Variants in UNC13C observed in about 807,000 individuals in gnomAD.
The protein encoded by UNC13C is unc-13 homolog C.
A neutral mutation model predicts 245.4 loss-of-function variants in UNC13C; 174 were observed. That is an observed-to-expected ratio of 0.71 (90% CI 0.63 to 0.80). The LOEUF is 0.80. Ranked by LOEUF, UNC13C falls within the 30% of genes least tolerant of loss-of-function variation. The pLI is 0.00. For missense variants in UNC13C, 2,829 were observed against 2,602.9 expected, an observed-to-expected ratio of 1.09 and a Z score of -1.89; for synonymous variants, 992 against 895.1, an observed-to-expected ratio of 1.11 and a Z score of -1.93.
chr15:53,997,490 T>TTAACA (rs1160993317), intron 1 of UNC13C, among the ~76,000 whole-genome samples: 1 of 152,190 alleles, frequency 6.6e-6, no homozygotes, highest in Non-Finnish European at 1.5e-5. Flanking sequence ...TTAGTTTGCG[T>TTAACA]TAACATTCTT....
intron 28 of UNC13C, among the ~76,000 whole-genome samples, chr15:54,551,079 T>A (rs1896715263): frequency 6.6e-6 from 1 of 152,076 alleles, no homozygotes; most frequent in Non-Finnish European, 1.5e-5. Flanking sequence ...TACATGAAAT[T>A]TTATAGTCCA....
In UNC13C at chr15:54,086,742, T is replaced by C. The variant is rs1158072019; in HGVS notation, c.2984-56276T>C. On this transcript the variant is annotated intron_variant, in intron 2 of 32. Coordinates refer to ENST00000260323, the MANE Select transcript of UNC13C (RefSeq NM_001080534.3). ...ATGTGTTGCTTATTTTCTTTCTTTTTTTTTTTTTTTTTTGAGATGGACTCT... is the reference window on the plus strand; with the variant it reads ...ATGTGTTGCTTATTTTCTTTCTTTTCTTTTTTTTTTTTTGAGATGGACTCT... Among the ~76,000 whole-genome samples, 15 of 131,400 alleles carry C rather than the reference T, an allele frequency of 1.1e-4. No homozygotes were observed. The East Asian group carries it at 2.4e-3, about 21-fold the overall frequency. The allele number at this position is 131,400 out of a possible 152,430, so 86.2% of individuals were successfully genotyped here. A position where few individuals can be genotyped will look rare whatever the true frequency, so the allele number is the denominator to read the frequency against.
chr15:54,461,131 T>C (rs562843205), intron 19 of UNC13C, among the ~76,000 whole-genome samples: 8 of 152,244 alleles, frequency 5.3e-5, no homozygotes, highest in South Asian at 2.1e-4. Flanking sequence ...AATTGCTGCA[T>C]ATATTTTTCT....
chr15:54,391,855 T>A (rs905336959), intron 17 of UNC13C, among the ~76,000 whole-genome samples: 5 of 152,104 alleles, frequency 3.3e-5, no homozygotes. Flanking sequence ...CGAGAATAAT[T>A]AAATGACAAC....
intron 25 of UNC13C, among the ~76,000 whole-genome samples, 187 bp from the exon 26 acceptor site, chr15:54,532,730 T>C (rs1001569851): frequency 1.3e-5 from 2 of 152,198 alleles, no homozygotes; most frequent in African/African-American, 2.4e-5. Context: ...TTATCTGCCT[T>C]ACTTATAAGT....
chr15:53,844,071 C>T, the UNC13C span, among the ~76,000 whole-genome samples: 1 of 151,968 alleles, frequency 6.6e-6, no homozygotes, highest in African/African-American at 2.4e-5. Context: ...ATGGAAGGTC[C>T]CAGCTGAAGG....
chr15:54,251,226 C>T (rs1404043287), intron 8 of UNC13C, among the ~76,000 whole-genome samples: 1 of 152,184 alleles, frequency 6.6e-6, no homozygotes, highest in Non-Finnish European at 1.5e-5. Flanking sequence ...TGTCCTTCTA[C>T]AGTTCCTGCA....
chr15:54,498,843 C>T (rs1894071494), intron 20 of UNC13C, among the ~76,000 whole-genome samples: 1 of 152,092 alleles, frequency 6.6e-6, no homozygotes, highest in Non-Finnish European at 1.5e-5. Flanking sequence ...TTCAATACAA[C>T]CCTATGCAAA....
intron 4 of UNC13C, among the ~76,000 whole-genome samples, chr15:54,155,726 C>T (rs1211525512): frequency 6.6e-6 from 1 of 152,140 alleles, no homozygotes; most frequent in Non-Finnish European, 1.5e-5. Flanking sequence ...TAAAAGTGTT[C>T]TGTACATTTA....
At chr15:54,119,310 T>G (rs569912703) in intron 2 of UNC13C, among the ~76,000 whole-genome samples, 1 of 145,566 alleles carries the variant, frequency 6.9e-6, no homozygotes, top group South Asian at 2.2e-4. Context: ...TGTATCACAT[T>G]TGGTAATTCT....
chr15:54,598,580 G>A (rs1460163782), intron 30 of UNC13C, among the ~76,000 whole-genome samples: 1 of 152,198 alleles, frequency 6.6e-6, no homozygotes, highest in East Asian at 1.9e-4. Flanking sequence ...ACTGGCATGT[G>A]TTGAGGTTTC....
intron 1 of UNC13C, among the ~76,000 whole-genome samples, chr15:53,986,223 T>C (rs949271225): frequency 7.2e-5 from 11 of 152,004 alleles, no homozygotes; most frequent in Non-Finnish European, 1.6e-4. Context: ...CTGAGCAAAA[T>C]ATGTCTTGAA....
intron 8 of UNC13C, among the ~76,000 whole-genome samples, chr15:54,254,919 C>G (rs535487017): frequency 1.1e-3 from 160 of 152,250 alleles, no homozygotes; most frequent in African/African-American, 3.8e-3. Context: ...GCCATGATAA[C>G]TCCTCAGGAC....
chr15:54,218,913 G>A (rs189317994), intron 4 of UNC13C, among the ~76,000 whole-genome samples: 21 of 152,080 alleles, frequency 1.4e-4, no homozygotes, highest in African/African-American at 4.8e-4. Flanking sequence ...ACCTCTTCAA[G>A]GAGAACTACA....
intron 30 of UNC13C, among the ~76,000 whole-genome samples, chr15:54,579,765 G>GA (rs910586697): frequency 3.3e-5 from 5 of 151,794 alleles, no homozygotes; most frequent in African/African-American, 9.7e-5. Flanking sequence ...TCTCAAAAAA[G>GA]AAAAAAACAA....
chr15:54,432,244 T>G (rs1231991062), intron 19 of UNC13C, among the ~76,000 whole-genome samples: 1 of 151,608 alleles, frequency 6.6e-6, no homozygotes, highest in African/African-American at 2.4e-5. Flanking sequence ...TCTTGCTTAT[T>G]TAAGTAAGAG....
intron 7 of UNC13C, among the ~76,000 whole-genome samples, chr15:54,243,327 A>G (rs899121498): frequency 1.3e-5 from 2 of 152,042 alleles, no homozygotes; most frequent in Admixed American, 6.6e-5. Context: ...TTCCTTTTTT[A>G]TGGCTGCATA....
At chr15:54,471,957 T>C (rs1046590838) in intron 19 of UNC13C, among the ~76,000 whole-genome samples, 2 of 151,754 alleles carry the variant, frequency 1.3e-5, no homozygotes, top group African/African-American at 4.8e-5. Flanking sequence ...CACTTACATT[T>C]AAAACAGTTG....
At position 54,058,938 on chromosome 15, in the gene UNC13C, A is replaced by G. The variant is rs190045336; in HGVS notation, c.2983+43052A>G. 3.1e-3 allele frequency among the ~76,000 whole-genome samples: 470 copies of G among 152,338 alleles called. 2 individuals carry two copies. Among genetic ancestry groups the G allele is most frequent in the Non-Finnish European group, 5.9e-3 (400 of 68,042 alleles). ...GCTTCATGCTAAAAACTCTCAATAA[A>G]TTAGGTATTGACGGGACGTATCTCA... On this transcript the variant is annotated intron_variant, in intron 2 of 32. Coordinates refer to ENST00000260323, the MANE Select transcript of UNC13C (RefSeq NM_001080534.3).
Sources: gnomAD v4.1 joint callset for allele counts (sites outside exome capture counted in the v4.1 genomes callset) on GRCh38, gnomAD v4.1.1 for gene constraint, MANE v1.5 for transcripts, NCBI Gene and HGNC (gene_info 2026-07-23, HGNC 2026-07-21) for gene names.